The following BFAR variants were observed in gnomAD, a reference collection of about 807,000 sequenced individuals.
BFAR encodes the protein RING finger protein 47.
BFAR carries 52 observed loss-of-function variants against 54.4 expected under a neutral mutation model. The observed-to-expected ratio is 0.96, with a 90% confidence interval of 0.77 to 1.21. The LOEUF (loss-of-function observed/expected upper bound fraction) is 1.21, where lower values mean the gene tolerates loss of function less well. Ranked by LOEUF, BFAR falls within the 50% of genes most tolerant of loss-of-function variation. The pLI is 0.00. For synonymous variants in BFAR, 215 were observed against 204.3 expected (o/e 1.05, Z -0.45); for missense variants, 571 against 534.0 (o/e 1.07, Z -0.68).
Position 14,655,170 on chromosome 16 carries a change from C to T in BFAR, c.743C>T (p.Ala248Val). ...AILMELERVK[A>V]LGVKPPQNLW... is the part of the protein sequence containing the mutation. ...CTCATGGAGCTAGAACGTGTCAAAG[C>T]ATTAGGCGTGAAGCCCCCCCAGAAT... Residue 248 changes from alanine to valine, a missense_variant, in exon 5 of 8, where the codon GCA (alanine) becomes GTA (valine). Transcript: ENST00000261658. 1 of 1,586,862 alleles carries T rather than the reference C, an allele frequency of 6.3e-7. No homozygotes were observed. The highest frequency in any genetic ancestry group is 1.4e-5 in the African/African-American group (1 of 74,008).
intron 7 of BFAR, chr16:14,667,239 G>C (rs1341040024): frequency 5.9e-6 from 1 of 168,140 alleles, no homozygotes; most frequent in Non-Finnish European, 1.3e-5. Context: ...TGTGGTCCCA[G>C]CTACTCAGGA....
At chr16:14,663,120 G>A (rs574211855) in intron 6 of BFAR, among the ~76,000 whole-genome samples, 33 of 152,316 alleles carry the variant, frequency 2.2e-4, no homozygotes, top group African/African-American at 7.2e-4. Flanking sequence ...GCGCAGCGCC[G>A]GGCTGTCTGC....
chr16:14,644,035 C>T (rs1341739872), intron 1 of BFAR, among the ~76,000 whole-genome samples: 1 of 151,702 alleles, frequency 6.6e-6, no homozygotes, highest in African/African-American at 2.4e-5. Flanking sequence ...TGGTGGGTTG[C>T]ACCTGTAGTC....
At chr16:14,635,756 C>G (rs1021270330) in intron 1 of BFAR, among the ~76,000 whole-genome samples, 7 of 151,740 alleles carry the variant, frequency 4.6e-5, no homozygotes, top group African/African-American at 1.5e-4. Flanking sequence ...AAATGCTTCT[C>G]TCTCTTTTTT....
chr16:14,667,637 C>T lies in BFAR; in HGVS notation c.1163C>T (p.Thr388Ile). The T allele has an allele frequency of 3.7e-6, 6 of 1,613,464 alleles. No individual in the cohort carries two copies. Among genetic ancestry groups the T allele is most frequent in the Non-Finnish European group, 5.1e-6 (6 of 1,179,706 alleles). Residue 388 changes from threonine to isoleucine, a missense_variant and splice_region_variant, in exon 8 of 8, where the codon ACC (threonine) becomes ATC (isoleucine). Transcript: ENST00000261658. The part of the protein sequence containing the change: ...WRIWSRSELK[T>I]VPQRMWSHFW... ...AGCCTCTTCTCTTCTTGTTTCAGGACCGTGCCTCAGAGGATGTGGAGCCAT... is the reference window on the plus strand; with the variant it reads ...AGCCTCTTCTCTTCTTGTTTCAGGATCGTGCCTCAGAGGATGTGGAGCCAT...
chr16:14,635,270 TG>T (rs560817313), intron 1 of BFAR, among the ~76,000 whole-genome samples: 16 of 152,266 alleles, frequency 1.1e-4, no homozygotes, highest in African/African-American at 3.8e-4. Flanking sequence ...AGGAGGCAGA[TG>T]TTGCAGTGAG....
Position 14,667,612 on chromosome 16 carries a change from A to AG in BFAR, c.1161-22dup. The AG allele has an allele frequency of 1.9e-6, 3 of 1,605,544 alleles. No homozygotes were observed. In the South Asian group the frequency reaches 3.3e-5, roughly 18 times the overall value. On this transcript the variant is annotated intron_variant, in intron 7 of 7. Transcript: ENST00000261658. The stretch of plus-strand genomic sequence containing the variant: ...TGGTCATGAGAAGCGCCTCCGATTC[A>AG]GCCTCTTCTCTTCTTGTTTCAGGAC...
intron 1 of BFAR, among the ~76,000 whole-genome samples, chr16:14,641,834 C>A (rs574067233): frequency 1.3e-5 from 2 of 152,136 alleles, no homozygotes; most frequent in Non-Finnish European, 2.9e-5. Flanking sequence ...TGCACTCCAG[C>A]CTGGGCAAAA....
intron 1 of BFAR, among the ~76,000 whole-genome samples, chr16:14,637,698 G>A (rs996731667): frequency 4.6e-5 from 7 of 151,932 alleles, no homozygotes; most frequent in African/African-American, 1.5e-4. Flanking sequence ...GCATGGTGGC[G>A]CCTGCTTGTA....
At chr16:14,637,685 C>T (rs1229632196) in intron 1 of BFAR, among the ~76,000 whole-genome samples, 3 of 152,052 alleles carry the variant, frequency 2.0e-5, no homozygotes, top group Non-Finnish European at 4.4e-5. Flanking sequence ...AAAATTTAGC[C>T]AGGCATGGTG....
intron 1 of BFAR, chr16:14,643,997 T>C (rs1307238241): frequency 4.4e-6 from 1 of 229,752 alleles, no homozygotes; most frequent in Admixed American, 5.2e-5. Context: ...CCGTCTCTGC[T>C]AAAAAAATAT....
rs572488967 is a variant in BFAR at position 14,664,979 on chromosome 16, C to T, written c.1068C>T (p.Tyr356=). The T allele has an allele frequency of 1.9e-6, 3 of 1,613,522 alleles. No homozygotes were observed. Among genetic ancestry groups the T allele is most frequent in the African/African-American group, 2.7e-5 (2 of 75,042 alleles). ...CTTGGGACTGGTTGGAGGTCCATTA[C>T]TGGACATCACGGTTTCTCATCATCA... ...EFAWDWLEVH[Y]WTSRFLIINA... is the part of the protein sequence containing the mutation. The change falls in exon 7 of 8, where the codon TAC becomes TAT. Residue 356 remains tyrosine, a synonymous_variant. Transcript: ENST00000261658.
At chr16:14,647,780 T>C (rs958640731) in intron 2 of BFAR, among the ~76,000 whole-genome samples, 3 of 152,220 alleles carry the variant, frequency 2.0e-5, no homozygotes, top group Admixed American at 6.5e-5. Context: ...AAATCAATTA[T>C]GTACGTCTTA....
chr16:14,637,398 A>T (rs1390377617), intron 1 of BFAR, among the ~76,000 whole-genome samples: 1 of 152,054 alleles, frequency 6.6e-6, no homozygotes. Context: ...CCTGGTTTCC[A>T]ACCAGGGACC....
chr16:14,664,875 A>C lies in BFAR; in HGVS notation c.964A>C (p.Lys322Gln), dbSNP rs1240664586. The C allele has an allele frequency of 1.9e-6, 3 of 1,613,010 alleles. No individual in the cohort carries two copies. The highest frequency in any genetic ancestry group is 1.7e-5 in the Admixed American group (1 of 59,952). Reference protein sequence around the residue: ...EDIVTKLLDLKEPTWKQWREF... With the variant: ...EDIVTKLLDLQEPTWKQWREF... Reference sequence around the variant, plus strand: ...CTGTGTGTTATTTTTTAAGGATCTTAAGGAGCCTACGTGGAAGCAGTGGAG... The same window carrying C: ...CTGTGTGTTATTTTTTAAGGATCTTCAGGAGCCTACGTGGAAGCAGTGGAG... Residue 322 changes from lysine (K) to glutamine (Q), a missense_variant, in exon 7 of 8, where the codon AAG becomes CAG. Lys to Gln is a moderately conservative substitution (Grantham distance 53). Coordinates refer to ENST00000261658, the MANE Select transcript of BFAR (RefSeq NM_016561.3).
In BFAR at chr16:14,667,438, C is replaced by G. The variant is rs1960471936; in HGVS notation, c.1161-197C>G. 7.4e-6 allele frequency: 4 copies of G among 541,506 alleles called. No individual in the cohort carries two copies. In the South Asian group the frequency reaches 1.3e-4, roughly 17 times the overall value. 33.5% of individuals were successfully genotyped at this position (541,506 alleles called of 1,614,324 possible). Reference sequence around the variant, plus strand: ...CTTGCCCAGTGTGGGGGCAAAGAAGCTCCCTGTAGGTCATGTCCTTGAGAG... The same window carrying G: ...CTTGCCCAGTGTGGGGGCAAAGAAGGTCCCTGTAGGTCATGTCCTTGAGAG... On this transcript the variant is annotated intron_variant, in intron 7 of 7. Coordinates refer to ENST00000261658, the MANE Select transcript of BFAR (RefSeq NM_016561.3).
intron 4 of BFAR, among the ~76,000 whole-genome samples, chr16:14,651,470 C>T (rs2890074): frequency 0.99 from 150,946 of 152,274 alleles, 74,830 homozygotes; most frequent in Middle Eastern, 1. Flanking sequence ...TCCTGTCCCC[C>T]GGAGTATTGT....
chr16:14,661,864 T>C lies in BFAR; in HGVS notation c.784-28T>C. 4 of 1,609,598 alleles carry C rather than the reference T, an allele frequency of 2.5e-6. 1 individual carries two copies. The highest frequency in any genetic ancestry group is 3.4e-6 in the Non-Finnish European group (4 of 1,176,952). ...GGGTAGCTGGCCGCCATGGTTGTAATGTGGCCCTGTACTCTTCTCCTCTGC... is the reference window on the plus strand; with the variant it reads ...GGGTAGCTGGCCGCCATGGTTGTAACGTGGCCCTGTACTCTTCTCCTCTGC... On this transcript the variant is annotated intron_variant, in intron 5 of 7. Transcript: ENST00000261658.
intron 6 of BFAR, 134 bp downstream of exon 6, chr16:14,662,199 G>T: frequency 9.5e-7 from 1 of 1,052,726 alleles, no homozygotes. Context: ...GGTCATTTGA[G>T]AGTAATATCC....
Sources: allele counts gnomAD v4.1 joint callset (sites outside exome capture counted in the v4.1 genomes callset), GRCh38; gene constraint gnomAD v4.1.1; transcripts MANE v1.5; gene names NCBI Gene and HGNC (gene_info 2026-07-23, HGNC 2026-07-21).